TRPC6: variants seen among roughly 807,000 people sequenced by gnomAD.
The protein encoded by TRPC6 is transient receptor potential cation channel subfamily C member 6.
TRPC6 carries 55 observed loss-of-function variants against 90.7 expected under a neutral mutation model. The observed-to-expected ratio is 0.61, with a 90% confidence interval of 0.49 to 0.76. The LOEUF is 0.76. TRPC6 is among the 30% of genes least tolerant of loss of function. The probability of loss-of-function intolerance (pLI) is 0.00; values close to 1 mark genes in which losing one functional copy is unlikely to be tolerated. For synonymous variants in TRPC6, 393 were observed against 393.0 expected, an observed-to-expected ratio of 1.00 and a Z score of 0.00; for missense variants, 989 against 1,122.7, an observed-to-expected ratio of 0.88 and a Z score of 1.70.
At chr11:101,486,452 A>G (rs967478192) in intron 4 of TRPC6, among the ~76,000 whole-genome samples, 4 of 152,186 alleles carry the variant, frequency 2.6e-5, no homozygotes, top group African/African-American at 9.6e-5. Context: ...CTTTTTAGGT[A>G]TTTATTGATG....
At chr11:101,537,486 A>G (rs1286500953) in intron 1 of TRPC6, among the ~76,000 whole-genome samples, 1 of 152,042 alleles carries the variant, frequency 6.6e-6, no homozygotes, top group Admixed American at 6.6e-5. Context: ...CACTTGTCTG[A>G]ATTCTATAAG....
At chr11:101,493,695 C>T (rs917762201) in intron 2 of TRPC6, among the ~76,000 whole-genome samples, 3 of 152,144 alleles carry the variant, frequency 2.0e-5, no homozygotes, top group Admixed American at 1.3e-4. Flanking sequence ...TTCTCTTAAA[C>T]CCAGAACTGC....
chr11:101,483,198 C>T (rs1430865387), intron 4 of TRPC6, 33 bp from the exon 5 acceptor site: 4 of 1,611,558 alleles, frequency 2.5e-6, no homozygotes, highest in Non-Finnish European at 3.4e-6. Flanking sequence ...AAAATCTTAA[C>T]TTTGTTTTGT....
intron 1 of TRPC6, among the ~76,000 whole-genome samples, chr11:101,518,430 G>T (rs966716604): frequency 6.6e-6 from 1 of 152,096 alleles, no homozygotes; most frequent in African/African-American, 2.4e-5. Context: ...ATTGCAAACA[G>T]AAATATGAAA....
At chr11:101,559,755 G>C (rs1214253993) in intron 1 of TRPC6, among the ~76,000 whole-genome samples, 1 of 150,294 alleles carries the variant, frequency 6.7e-6, no homozygotes, top group Non-Finnish European at 1.5e-5. Context: ...TTTAACATTA[G>C]GTATATCTCC....
At chr11:101,566,419 T>G (rs886381884) in intron 1 of TRPC6, among the ~76,000 whole-genome samples, 1 of 152,198 alleles carries the variant, frequency 6.6e-6, no homozygotes, top group Non-Finnish European at 1.5e-5. Flanking sequence ...TTCCTCTTGT[T>G]ATTAAAATAA....
intron 1 of TRPC6, among the ~76,000 whole-genome samples, chr11:101,538,148 C>A (rs938778768): frequency 6.6e-6 from 1 of 151,864 alleles, no homozygotes; most frequent in Admixed American, 6.6e-5. Context: ...TAGTATGTTT[C>A]TTCTCTCTTG....
chr11:101,576,271 A>G (rs1158522767), intron 1 of TRPC6, among the ~76,000 whole-genome samples: 1 of 152,206 alleles, frequency 6.6e-6, no homozygotes, highest in Non-Finnish European at 1.5e-5. Flanking sequence ...AGTTGCCCCA[A>G]ATATATATAA....
chr11:101,507,246 C>G (rs1413493525), intron 1 of TRPC6, among the ~76,000 whole-genome samples: 1 of 151,892 alleles, frequency 6.6e-6, no homozygotes, highest in Non-Finnish European at 1.5e-5. Context: ...TCTCAGTGCT[C>G]TATATACATA....
At chr11:101,512,284 T>C (rs1487916997) in intron 1 of TRPC6, among the ~76,000 whole-genome samples, 2 of 152,196 alleles carry the variant, frequency 1.3e-5, no homozygotes, top group Non-Finnish European at 2.9e-5. Flanking sequence ...GGTAAGAGCC[T>C]GAGCTACTTG....
chr11:101,583,509 G>A lies in TRPC6; in HGVS notation c.-6C>T, dbSNP rs1369516778. ...AACGCCGGGCTCTGGCTCATGGCGGGAACGCCCGACTGGCCTGGGCCCCGC... is the reference window on the plus strand; with the variant it reads ...AACGCCGGGCTCTGGCTCATGGCGGAAACGCCCGACTGGCCTGGGCCCCGC... On this transcript the variant is annotated 5_prime_UTR_variant, in exon 1 of 13. Coordinates refer to ENST00000344327, the MANE Select transcript of TRPC6 (RefSeq NM_004621.6). 2.7e-6 allele frequency: 4 copies of A among 1,473,328 alleles called. No homozygotes were observed. The South Asian group carries it at 5.3e-5, about 20-fold the overall frequency. 91.3% of individuals were successfully genotyped at this position (1,473,328 alleles called of 1,614,324 possible).
In TRPC6 at chr11:101,549,073, A is replaced by G. The variant is rs192113663; in HGVS notation, c.170+34261T>C. On this transcript the variant is annotated intron_variant, in intron 1 of 12. Coordinates refer to ENST00000344327, the MANE Select transcript of TRPC6 (RefSeq NM_004621.6). ...ACTTTTTAAAATTAAAGACAATCCAATTTTTAAAAAGATTGTGAGATGTAC... is the reference window on the plus strand; with the variant it reads ...ACTTTTTAAAATTAAAGACAATCCAGTTTTTAAAAAGATTGTGAGATGTAC... Among the ~76,000 whole-genome samples the G allele has an allele frequency of 4.6e-5, 7 of 151,940 alleles. No homozygotes were observed. In the East Asian group the frequency reaches 1.4e-3, roughly 29 times the overall value.
intron 1 of TRPC6, among the ~76,000 whole-genome samples, chr11:101,555,438 T>C (rs1861540556): frequency 2.0e-5 from 3 of 152,220 alleles, no homozygotes; most frequent in Admixed American, 2.0e-4. Context: ...TATTTGCTCA[T>C]GACCTGAGCT....
chr11:101,495,591 AATTATTATT>A (rs199580955), intron 2 of TRPC6, among the ~76,000 whole-genome samples: 2,904 of 141,878 alleles, frequency 0.02, 42 homozygotes, highest in East Asian at 0.066. Flanking sequence ...GATCAATGGT[AATTATTATT>A]ATTATTATTA....
chr11:101,474,460 A>G (rs1859366823), intron 6 of TRPC6, among the ~76,000 whole-genome samples: 1 of 152,172 alleles, frequency 6.6e-6, no homozygotes, highest in African/African-American at 2.4e-5. Flanking sequence ...GTGTGTAAGA[A>G]AGGGGAAAAA....
intron 10 of TRPC6, among the ~76,000 whole-genome samples, chr11:101,457,724 A>G (rs1301728320): frequency 6.6e-6 from 1 of 152,192 alleles, no homozygotes; most frequent in Non-Finnish European, 1.5e-5. Flanking sequence ...TTTCACCTCT[A>G]TATCCTTGGG....
chr11:101,568,080 G>C (rs1861876095), intron 1 of TRPC6, among the ~76,000 whole-genome samples: 1 of 152,158 alleles, frequency 6.6e-6, no homozygotes, highest in Non-Finnish European at 1.5e-5. Context: ...CAGACCTAAA[G>C]GAGTATGTTC....
At chr11:101,564,214 G>A (rs1861779308) in intron 1 of TRPC6, among the ~76,000 whole-genome samples, 1 of 151,836 alleles carries the variant, frequency 6.6e-6, no homozygotes, top group Non-Finnish European at 1.5e-5. Context: ...TTTTTGCTAG[G>A]TTTATTCCTT....
chr11:101,491,208 A>C (rs1250595961), intron 3 of TRPC6, among the ~76,000 whole-genome samples: 1 of 152,140 alleles, frequency 6.6e-6, no homozygotes, highest in Non-Finnish European at 1.5e-5. Flanking sequence ...GCACTTTAGG[A>C]GGCCGAGGCG....
Sources: allele counts gnomAD v4.1 joint callset (sites outside exome capture counted in the v4.1 genomes callset), GRCh38; gene constraint gnomAD v4.1.1; transcripts MANE v1.5; gene names NCBI Gene and HGNC (gene_info 2026-07-23, HGNC 2026-07-21).